The following PTPRJ variants were observed in gnomAD, a reference collection of about 807,000 sequenced individuals.
PTPRJ encodes receptor-type tyrosine-protein phosphatase eta.
Under a neutral mutation model 141.3 loss-of-function variants are expected in PTPRJ, and 129 were observed. That is an observed-to-expected ratio of 0.91 (90% confidence interval 0.79 to 1.06). The LOEUF is 1.06. Ranked by LOEUF, PTPRJ falls within the 50% of genes least tolerant of loss-of-function variation. The pLI, the probability that PTPRJ is intolerant of heterozygous loss-of-function variation, is 0.00. For missense variants in PTPRJ, 1,601 were observed against 1,679.7 expected, an observed-to-expected ratio of 0.95 and a Z score of 0.82; for synonymous variants, 610 against 640.5, an observed-to-expected ratio of 0.95 and a Z score of 0.72.
intron 1 of PTPRJ, among the ~76,000 whole-genome samples, chr11:47,995,218 A>G (rs1319270636): frequency 6.6e-6 from 1 of 152,358 alleles, no homozygotes; most frequent in East Asian, 1.9e-4. Flanking sequence ...ATTGAATAAT[A>G]AAAGTAACAA....
rs551528225 is a variant in PTPRJ at position 47,999,624 on chromosome 11, A to G, written c.96+18616A>G. The stretch of plus-strand genomic sequence containing the variant: ...ATTCTGGATATCTGGGTGTATGGAC[A>G]CCTCTTGCCCCCATTGGTGTTTTAT... On this transcript the variant is annotated intron_variant, in intron 1 of 24. Transcript: ENST00000418331. 3.3e-5 allele frequency among the ~76,000 whole-genome samples: 5 copies of G among 152,144 alleles called. No homozygotes were observed. In the South Asian group the frequency reaches 1.0e-3, roughly 32 times the overall value.
At chr11:48,159,353 C>G (rs1033098700) in intron 21 of PTPRJ, among the ~76,000 whole-genome samples, 1 of 152,142 alleles carries the variant, frequency 6.6e-6, no homozygotes, top group African/African-American at 2.4e-5. Flanking sequence ...GTCCTCATTT[C>G]TTCCAGCTGT....
intron 7 of PTPRJ, 143 bp from the exon 8 acceptor site, chr11:48,130,316 G>A: frequency 1.2e-6 from 1 of 824,956 alleles, no homozygotes; most frequent in East Asian, 2.7e-5. Context: ...AGGGGCTCAT[G>A]TTGTAGGTGA....
At chr11:48,132,230 T>C (rs987474800) in intron 8 of PTPRJ, 15 of 985,422 alleles carry the variant, frequency 1.5e-5, no homozygotes, top group Non-Finnish European at 1.8e-5. Context: ...AGAAGGCTAA[T>C]TGAAATTGAT....
At chr11:48,077,898 T>A (rs1034173176) in intron 1 of PTPRJ, among the ~76,000 whole-genome samples, 1 of 152,196 alleles carries the variant, frequency 6.6e-6, no homozygotes, top group Non-Finnish European at 1.5e-5. Flanking sequence ...TATTTACACT[T>A]ATCTCCCTGC....
rs191856835 is a variant in PTPRJ, at chr11:48,073,720, C to G, written c.97-36338C>G. Among the ~76,000 whole-genome samples the G allele has an allele frequency of 2.3e-3, 344 of 150,604 alleles. 1 individual carries two copies. Among genetic ancestry groups the G allele is most frequent in the African/African-American group, 7.9e-3 (327 of 41,156 alleles). On this transcript the variant is annotated intron_variant, in intron 1 of 24. Coordinates refer to ENST00000418331, the MANE Select transcript of PTPRJ (RefSeq NM_002843.4). ...ATCTTTTCACTTTCAAGTTCAGTTT[C>G]TCTTCTCCTTTTTTTCTGGGTGATG... is the stretch of plus-strand genomic sequence containing the variant.
At chr11:48,052,906 C>T (rs901387192) in intron 1 of PTPRJ, among the ~76,000 whole-genome samples, 1 of 151,376 alleles carries the variant, frequency 6.6e-6, no homozygotes. Context: ...CCACCAGCCG[C>T]TAGGGGCCTG....
intron 9 of PTPRJ, 92 bp downstream of exon 9, chr11:48,136,388 G>A: frequency 6.8e-7 from 1 of 1,465,724 alleles, no homozygotes; most frequent in African/African-American, 1.4e-5. Flanking sequence ...GTGCTTCTGG[G>A]ATCCAGGTTG....
chr11:48,108,585 A>G (rs1219469399), intron 1 of PTPRJ, among the ~76,000 whole-genome samples: 1 of 152,038 alleles, frequency 6.6e-6, no homozygotes, highest in Non-Finnish European at 1.5e-5. Context: ...ATAGCCTCCC[A>G]CAGTGCTTTT....
At chr11:48,114,907 C>T (rs1038960938) in intron 3 of PTPRJ, among the ~76,000 whole-genome samples, 1 of 151,838 alleles carries the variant, frequency 6.6e-6, no homozygotes, top group Admixed American at 6.6e-5. Context: ...ATACTTTGAA[C>T]AAAATGAAAA....
chr11:47,988,414 C>T (rs943860650), intron 1 of PTPRJ, among the ~76,000 whole-genome samples: 13 of 151,798 alleles, frequency 8.6e-5, no homozygotes, highest in Admixed American at 2.0e-4. Context: ...TCTTGGATCT[C>T]GGCTCACTGC....
chr11:48,004,796 A>G (rs942395315), intron 1 of PTPRJ, among the ~76,000 whole-genome samples: 1 of 152,164 alleles, frequency 6.6e-6, no homozygotes, highest in African/African-American at 2.4e-5. Context: ...AGAATGAGGT[A>G]TCATGGAAGG....
chr11:48,072,457 T>C (rs10769311), intron 1 of PTPRJ, among the ~76,000 whole-genome samples: 86,697 of 152,070 alleles, frequency 0.57, 28,489 homozygotes, highest in East Asian at 0.8. Context: ...ACAATGGCAA[T>C]TAAATTTCAA....
At chr11:48,086,861 G>GT (rs1005514429) in intron 1 of PTPRJ, among the ~76,000 whole-genome samples, 3 of 151,836 alleles carry the variant, frequency 2.0e-5, no homozygotes, top group Admixed American at 6.6e-5. Context: ...TGTTCAGTCT[G>GT]TTTTTTTTCT....
At chr11:48,096,918 A>AT (rs148128331) in intron 1 of PTPRJ, 2,428 of 154,676 alleles carry the variant, frequency 0.016, 63 homozygotes, top group African/African-American at 0.055. Context: ...TGCCATTGAA[A>AT]TTTTTTCTCA....
intron 3 of PTPRJ, among the ~76,000 whole-genome samples, chr11:48,117,858 A>G (rs1419389375): frequency 6.6e-6 from 1 of 152,202 alleles, no homozygotes; most frequent in Non-Finnish European, 1.5e-5. Context: ...ACGCTACTCA[A>G]ATAAGAAAAT....
intron 1 of PTPRJ, among the ~76,000 whole-genome samples, chr11:48,085,240 A>G (rs1855667787): frequency 7.2e-6 from 1 of 139,412 alleles, no homozygotes; most frequent in African/African-American, 2.5e-5. Flanking sequence ...AAATATCTAA[A>G]ATAATGCTAT....
chr11:47,992,181 T>A (rs1854212211), intron 1 of PTPRJ, among the ~76,000 whole-genome samples: 1 of 152,150 alleles, frequency 6.6e-6, no homozygotes, highest in Non-Finnish European at 1.5e-5. Context: ...CTCTTTTTTT[T>A]TTTGTTTTTT....
intron 21 of PTPRJ, 77 bp downstream of exon 21, chr11:48,156,196 A>G: frequency 2.3e-6 from 3 of 1,298,050 alleles, no homozygotes; most frequent in Non-Finnish European, 2.1e-6. Flanking sequence ...TATCTTAAAA[A>G]CCATTTGTTT....
Sources: allele counts gnomAD v4.1 joint callset (sites outside exome capture counted in the v4.1 genomes callset), GRCh38; gene constraint gnomAD v4.1.1; transcripts MANE v1.5; gene names NCBI Gene and HGNC (gene_info 2026-07-23, HGNC 2026-07-21).